Variants in KANSL1 observed in about 807,000 individuals in gnomAD.
The protein encoded by KANSL1 is MLL1/MLL complex subunit KANSL1.
In KANSL1, 22 loss-of-function variants were observed where a neutral mutation model predicts 103.6. That is an observed-to-expected ratio of 0.21 (90% CI 0.15 to 0.30). The LOEUF (loss-of-function observed/expected upper bound fraction) is 0.30, where lower values mean the gene tolerates loss of function less well. Among genes scored for constraint, KANSL1 ranks in the 10% least tolerant of loss-of-function variants. KANSL1 has a pLI of 1.00. For synonymous variants in KANSL1, 600 were observed against 527.6 expected (o/e 1.14, Z -1.88); for missense variants, 1,337 against 1,399.8 (o/e 0.96, Z 0.72).
intron 4 of KANSL1, among the ~76,000 whole-genome samples, chr17:46,073,482 G>A (rs2078650409): frequency 6.6e-6 from 1 of 152,032 alleles, no homozygotes; most frequent in South Asian, 2.1e-4. Context: ...ATATACATGT[G>A]TCTGCTCATC....
chr17:46,194,115 G>A (rs1454153252), upstream of KANSL1, among the ~76,000 whole-genome samples: 3 of 152,226 alleles, frequency 2.0e-5, no homozygotes, highest in East Asian at 3.9e-4. Context: ...CGCCGGGCCA[G>A]CCCGGGAAGG....
At chr17:46,159,270 T>C (rs1053600009) in intron 2 of KANSL1, among the ~76,000 whole-genome samples, 2 of 152,216 alleles carry the variant, frequency 1.3e-5, no homozygotes, top group African/African-American at 2.4e-5. Context: ...TTCCAAAAAG[T>C]ACAGTCCTAA....
Position 46,067,660 on chromosome 17 carries a change from G to T in KANSL1, c.1541C>A (p.Ser514Tyr). Residue 514 changes from serine to tyrosine, a missense_variant, in exon 5 of 15, where the codon TCT (serine) becomes TAT (tyrosine). By Grantham distance (144) the Ser-to-Tyr change is moderately radical. Transcript: ENST00000432791. ...ATGGTTTTCCAATGGCTGAGAAACA[G>T]ACTCAATCTGATTAAGAAAAAGGAA... ...TDHGTDKLIE[S>Y]VSQPLENHGA... 1 of 1,511,454 alleles carries T rather than the reference G, an allele frequency of 6.6e-7. No individual in the cohort carries two copies. Among genetic ancestry groups the T allele is most frequent in the African/African-American group, 1.4e-5 (1 of 72,780 alleles). 93.6% of individuals were successfully genotyped at this position (1,511,454 alleles called of 1,614,324 possible).
At chr17:46,113,766 T>C (rs1382035089) in intron 2 of KANSL1, among the ~76,000 whole-genome samples, 2 of 152,160 alleles carry the variant, frequency 1.3e-5, no homozygotes, top group Admixed American at 6.5e-5. Flanking sequence ...TCCTTATAGG[T>C]AGACACCTGA....
At position 46,034,268 on chromosome 17, in the gene KANSL1, C is replaced by T; in HGVS notation, c.2559G>A (p.Arg853=). 1 of 1,613,902 alleles carries T rather than the reference C, an allele frequency of 6.2e-7. No homozygotes were observed. Among genetic ancestry groups the T allele is most frequent in the Non-Finnish European group, 8.5e-7 (1 of 1,179,940 alleles). ...TASTSQQPVR[R]RRGESSFDIN... ...TATCAAATGAGCTCTCTCCCCTTCT[C>T]CTCCTTACTGGCTGCTGCTGTAAGA... The change falls in exon 11 of 15, where the codon AGG becomes AGA. Residue 853 remains arginine (R), a synonymous_variant. Transcript: ENST00000432791.
intron 2 of KANSL1, among the ~76,000 whole-genome samples, chr17:46,132,020 G>C (rs538093956): frequency 6.6e-6 from 1 of 150,436 alleles, no homozygotes; most frequent in African/African-American, 2.5e-5. Flanking sequence ...CCAACTACTC[G>C]GGAGGCTGAG....
At chr17:46,114,559 A>G (rs1334612913) in intron 2 of KANSL1, among the ~76,000 whole-genome samples, 1 of 152,206 alleles carries the variant, frequency 6.6e-6, no homozygotes, top group Non-Finnish European at 1.5e-5. Flanking sequence ...ACAGCTTACA[A>G]TATTTTTCCC....
chr17:46,212,405 G>C (rs909176002), intron 1 of KANSL1, among the ~76,000 whole-genome samples: 1 of 152,050 alleles, frequency 6.6e-6, no homozygotes, highest in Non-Finnish European at 1.5e-5. Context: ...ATTTTTAGTA[G>C]AGATGGGGTT....
At chr17:46,213,545 T>G (rs921716355) in intron 1 of KANSL1, among the ~76,000 whole-genome samples, 2 of 148,280 alleles carry the variant, frequency 1.3e-5, no homozygotes, top group African/African-American at 5.0e-5. Flanking sequence ...CCTGACCTCA[T>G]GATGGGCCCG....
At chr17:46,070,015 C>T (rs553470519) in intron 4 of KANSL1, among the ~76,000 whole-genome samples, 2 of 152,248 alleles carry the variant, frequency 1.3e-5, no homozygotes, top group South Asian at 2.1e-4. Flanking sequence ...GCCTTAAGCT[C>T]TATGCAGATT....
chr17:46,080,272 G>A (rs79436222), intron 4 of KANSL1, among the ~76,000 whole-genome samples: 6,677 of 126,282 alleles, frequency 0.053, 843 homozygotes, highest in East Asian at 0.44. Context: ...ATGATTGTGC[G>A]ATTACACTCC....
At chr17:46,211,915 T>G (rs1000765734) in intron 1 of KANSL1, among the ~76,000 whole-genome samples, 4 of 152,236 alleles carry the variant, frequency 2.6e-5, no homozygotes, top group African/African-American at 9.7e-5. Flanking sequence ...CTATCAGACG[T>G]GAGGCCCTAA....
chr17:46,092,715 T>TGGGG (rs71138524), intron 3 of KANSL1, among the ~76,000 whole-genome samples: 33 of 21,602 alleles, frequency 1.5e-3, no homozygotes, highest in African/African-American at 3.4e-3. Context: ...TTTTTTTTTT[T>TGGGG]GGGGGGGGGG....
At chr17:46,139,288 T>C (rs955888712) in intron 2 of KANSL1, among the ~76,000 whole-genome samples, 3 of 133,454 alleles carry the variant, frequency 2.2e-5, no homozygotes, top group Non-Finnish European at 4.7e-5. Context: ...TTAAAATCTT[T>C]CATAGGCCAA....
At chr17:46,173,301 T>A (rs2046372775) in intron 1 of KANSL1, among the ~76,000 whole-genome samples, 1 of 147,486 alleles carries the variant, frequency 6.8e-6, no homozygotes, top group African/African-American at 2.4e-5. Flanking sequence ...TCAAGATTCC[T>A]ATAACCTCTA....
chr17:46,179,213 C>T (rs1011919429), intron 1 of KANSL1, among the ~76,000 whole-genome samples: 1 of 152,210 alleles, frequency 6.6e-6, no homozygotes, highest in Non-Finnish European at 1.5e-5. Flanking sequence ...GAACCATATC[C>T]TAAAGATTAT....
intron 2 of KANSL1, among the ~76,000 whole-genome samples, chr17:46,130,459 T>G (rs182227466): frequency 3.3e-5 from 5 of 152,296 alleles, no homozygotes. Context: ...TGTTAACACG[T>G]GGGGGTCACA....
At chr17:46,140,148 A>T (rs1451463790) in intron 2 of KANSL1, among the ~76,000 whole-genome samples, 4 of 152,220 alleles carry the variant, frequency 2.6e-5, no homozygotes, top group African/African-American at 9.6e-5. Flanking sequence ...ATACATATAT[A>T]TTTTTGTTGC....
At chr17:46,091,595 C>T (rs980899854) in intron 3 of KANSL1, among the ~76,000 whole-genome samples, 1 of 152,038 alleles carries the variant, frequency 6.6e-6, no homozygotes, top group African/African-American at 2.4e-5. Context: ...TACAGGTGTA[C>T]CATTTTTATC....
Sources: gnomAD v4.1 joint callset for allele counts (sites outside exome capture counted in the v4.1 genomes callset) on GRCh38, gnomAD v4.1.1 for gene constraint, MANE v1.5 for transcripts, NCBI Gene and HGNC (gene_info 2026-07-23, HGNC 2026-07-21) for gene names.